The following TCF12 variants were observed in gnomAD, a reference collection of about 807,000 sequenced individuals.
TCF12 encodes transcription factor 12.
TCF12 carries 45 observed loss-of-function variants against 86.0 expected under a neutral mutation model. The observed-to-expected ratio is 0.52, with a 90% CI of 0.41 to 0.67. The LOEUF is 0.67. TCF12 is among the 30% of genes least tolerant of loss of function. The pLI is 0.00. For missense variants in TCF12, 881 were observed against 859.9 expected, an observed-to-expected ratio of 1.02 and a Z score of -0.31; for synonymous variants, 330 against 299.6, an observed-to-expected ratio of 1.10 and a Z score of -1.05.
intron 12 of TCF12, among the ~76,000 whole-genome samples, chr15:57,237,377 G>T (rs2059425234): frequency 1.3e-5 from 2 of 152,136 alleles, no homozygotes; most frequent in Non-Finnish European, 2.9e-5. Flanking sequence ...GGTTGGGCTT[G>T]GGAGCAGTCC....
At chr15:57,250,521 G>T (rs777825545) in intron 13 of TCF12, among the ~76,000 whole-genome samples, 2 of 152,162 alleles carry the variant, frequency 1.3e-5, no homozygotes, top group African/African-American at 2.4e-5. Flanking sequence ...TTAAGGTCAG[G>T]AGTTCGAGAC....
At chr15:57,006,079 T>C (rs1299731320) in intron 3 of TCF12, among the ~76,000 whole-genome samples, 3 of 152,210 alleles carry the variant, frequency 2.0e-5, no homozygotes, top group Non-Finnish European at 4.4e-5. Context: ...TGGTTTGCAA[T>C]GTCTGTCATA....
chr15:57,273,930 A>G (rs560226558), intron 19 of TCF12, among the ~76,000 whole-genome samples: 4 of 152,308 alleles, frequency 2.6e-5, no homozygotes, highest in South Asian at 4.1e-4. Context: ...TTTGTTCAAC[A>G]TGTATTTATT....
chr15:57,050,001 T>A (rs1319855903), intron 3 of TCF12, among the ~76,000 whole-genome samples: 1 of 152,212 alleles, frequency 6.6e-6, no homozygotes, highest in Non-Finnish European at 1.5e-5. Flanking sequence ...TCAGTTATTT[T>A]TAGGGGTTCC....
At chr15:56,941,687 T>TCTTC (rs202223571) in intron 3 of TCF12, among the ~76,000 whole-genome samples, 29 of 146,486 alleles carry the variant, frequency 2.0e-4, no homozygotes, top group Non-Finnish European at 3.8e-4. Context: ...TTCTTCTTCT[T>TCTTC]TTTTTTTTTT....
At chr15:57,157,567 T>C (rs576624658) in intron 5 of TCF12, among the ~76,000 whole-genome samples, 91 of 151,130 alleles carry the variant, frequency 6.0e-4, no homozygotes, top group East Asian at 2.9e-3. Context: ...TTTTTTTTTT[T>C]TTCCTTTTTT....
intron 3 of TCF12, among the ~76,000 whole-genome samples, chr15:57,002,489 T>C (rs1391227796): frequency 6.6e-6 from 1 of 152,214 alleles, no homozygotes; most frequent in African/African-American, 2.4e-5. Context: ...AACCTGAGAT[T>C]TTCTGTGTAG....
At chr15:57,080,022 A>G (rs965796132) in intron 4 of TCF12, among the ~76,000 whole-genome samples, 1 of 152,196 alleles carries the variant, frequency 6.6e-6, no homozygotes, top group Non-Finnish European at 1.5e-5. Context: ...AATAATTTAG[A>G]TGCTCTTTCA....
intron 5 of TCF12, among the ~76,000 whole-genome samples, chr15:57,119,711 G>A (rs909184094): frequency 6.6e-6 from 1 of 151,988 alleles, no homozygotes; most frequent in Admixed American, 6.6e-5. Flanking sequence ...ATGGGCAGTG[G>A]AATCACAATA....
intron 12 of TCF12, among the ~76,000 whole-genome samples, chr15:57,238,809 A>G (rs1422894517): frequency 6.6e-6 from 1 of 152,198 alleles, no homozygotes; most frequent in Non-Finnish European, 1.5e-5. Context: ...AGTCAAGGAG[A>G]GAAGACAGAT....
chr15:57,259,185 G>T (rs939607657), intron 16 of TCF12, among the ~76,000 whole-genome samples: 1 of 152,034 alleles, frequency 6.6e-6, no homozygotes, highest in Admixed American at 6.5e-5. Flanking sequence ...TTTAAAATTT[G>T]AAAGCCATAG....
chr15:57,068,041 AT>A (rs139251415), intron 4 of TCF12, among the ~76,000 whole-genome samples: 172 of 150,556 alleles, frequency 1.1e-3, no homozygotes, highest in African/African-American at 2.7e-3. Context: ...CTAGTTTCAG[AT>A]TTTTTTTTTC....
At chr15:57,102,357 G>A (rs1317083156) in intron 5 of TCF12, among the ~76,000 whole-genome samples, 1 of 152,210 alleles carries the variant, frequency 6.6e-6, no homozygotes, top group Non-Finnish European at 1.5e-5. Context: ...CAGCACTTTG[G>A]GAGGCTGTGG....
At chr15:57,227,154 T>C (rs1177313491) in intron 8 of TCF12, among the ~76,000 whole-genome samples, 1 of 152,184 alleles carries the variant, frequency 6.6e-6, no homozygotes, top group Admixed American at 6.5e-5. Flanking sequence ...AATCACACCA[T>C]GCTTTAACTT....
chr15:57,175,730 A>G (rs1329755284), intron 6 of TCF12, among the ~76,000 whole-genome samples: 1 of 152,174 alleles, frequency 6.6e-6, no homozygotes, highest in Non-Finnish European at 1.5e-5. Flanking sequence ...AAGTAAACCA[A>G]CTCATTCAGA....
At chr15:57,106,430 A>G (rs1421022033) in intron 5 of TCF12, among the ~76,000 whole-genome samples, 1 of 152,230 alleles carries the variant, frequency 6.6e-6, no homozygotes, top group African/African-American at 2.4e-5. Flanking sequence ...TTTGTTTAAA[A>G]AATAGTAGGC....
At chr15:57,223,654 T>G (rs867727638) in intron 8 of TCF12, among the ~76,000 whole-genome samples, 6,249 of 129,980 alleles carry the variant, frequency 0.048, 444 homozygotes, top group African/African-American at 0.15. Context: ...TTTTTTTTTT[T>G]TTTTTTTTTT....
At chr15:56,985,110 A>G (rs1337608417) in intron 3 of TCF12, among the ~76,000 whole-genome samples, 1 of 152,192 alleles carries the variant, frequency 6.6e-6, no homozygotes, top group Non-Finnish European at 1.5e-5. Context: ...GAGGTCCCAG[A>G]TCTGAACAAA....
intron 8 of TCF12, chr15:57,219,472 G>A: frequency 6.3e-7 from 1 of 1,591,880 alleles, no homozygotes; most frequent in Non-Finnish European, 8.6e-7. Context: ...ATATGTCTTG[G>A]AGAGAGGCTG....
Sources: gnomAD v4.1 joint callset for allele counts (sites outside exome capture counted in the v4.1 genomes callset) on GRCh38, gnomAD v4.1.1 for gene constraint, MANE v1.5 for transcripts, NCBI Gene and HGNC (gene_info 2026-07-23, HGNC 2026-07-21) for gene names.